Variants in NCOA3 observed in about 807,000 individuals in gnomAD.
The protein encoded by NCOA3 is nuclear receptor coactivator 3, also known as CBP-interacting protein.
NCOA3 carries 51 observed loss-of-function variants against 158.8 expected under a neutral mutation model. The ratio of observed to expected loss-of-function variants is 0.32; its 90% CI spans 0.26 to 0.41. NCOA3 has a LOEUF of 0.41. Among genes scored for constraint, NCOA3 ranks in the 10% least tolerant of loss-of-function variants. The pLI, the probability that NCOA3 is intolerant of heterozygous loss-of-function variation, is 1.00. For missense variants in NCOA3, 1,510 were observed against 1,746.6 expected, an observed-to-expected ratio of 0.86 and a Z score of 2.41; for synonymous variants, 537 against 592.4, an observed-to-expected ratio of 0.91 and a Z score of 1.36.
At chr20:47,573,597 A>G (rs774139407) in intron 1 of NCOA3, among the ~76,000 whole-genome samples, 1 of 152,262 alleles carries the variant, frequency 6.6e-6, no homozygotes, top group African/African-American at 2.4e-5. Flanking sequence ...CAATTTGTAA[A>G]AAGCGCAATA....
rs764026511 is a variant in NCOA3 at position 47,651,086 on chromosome 20, G to GCAGCAA, written c.3762_3767dup (p.Gln1275_Gln1276dup). The GCAGCAA allele has an allele frequency of 1.4e-6, 2 of 1,396,342 alleles. No individual in the cohort carries two copies. The highest frequency in any genetic ancestry group is 2.5e-5 in the South Asian group (2 of 81,242). 86.5% of individuals were successfully genotyped at this position (1,396,342 alleles called of 1,614,324 possible). A position where few individuals can be genotyped will look rare whatever the true frequency, so the allele number is the denominator to read the frequency against. On this transcript the variant is annotated inframe_insertion, in exon 20 of 23. Coordinates refer to ENST00000371998, the MANE Select transcript of NCOA3 (RefSeq NM_181659.3). ...CTATGATGATGCAGCAGCAGCAGCA[G>GCAGCAA]CAGCAACAGCAGCAGCAGCAGCAGC...
intron 7 of NCOA3, 71 bp downstream of exon 7, chr20:47,627,820 G>A: frequency 6.3e-7 from 1 of 1,581,644 alleles, no homozygotes; most frequent in African/African-American, 1.4e-5. Context: ...TGAAACTTGT[G>A]TTGTAACCCT....
intron 8 of NCOA3, among the ~76,000 whole-genome samples, chr20:47,629,794 A>G (rs1246436560): frequency 6.6e-6 from 1 of 152,222 alleles, no homozygotes; most frequent in East Asian, 1.9e-4. Flanking sequence ...CATGTTTTAC[A>G]TTTGCTACTG....
chr20:47,566,257 T>C (rs193138161), intron 1 of NCOA3, among the ~76,000 whole-genome samples: 124 of 152,206 alleles, frequency 8.1e-4, no homozygotes, highest in South Asian at 8.3e-4. Flanking sequence ...CCAGTTCTCA[T>C]TGGTCTACAG....
intron 2 of NCOA3, among the ~76,000 whole-genome samples, chr20:47,585,666 C>T (rs1048227961): frequency 3.3e-5 from 5 of 152,146 alleles, no homozygotes; most frequent in East Asian, 3.9e-4. Context: ...CTTCCTTGTC[C>T]ACTCACTTAA....
At chr20:47,600,191 T>C (rs2085836412) in intron 2 of NCOA3, among the ~76,000 whole-genome samples, 1 of 150,886 alleles carries the variant, frequency 6.6e-6, no homozygotes, top group African/African-American at 2.4e-5. Context: ...TTTATTTTTT[T>C]TGAGATGGAG....
chr20:47,573,605 A>G (rs1268231279), intron 1 of NCOA3, among the ~76,000 whole-genome samples: 1 of 152,234 alleles, frequency 6.6e-6, no homozygotes, highest in Non-Finnish European at 1.5e-5. Context: ...AAAAAGCGCA[A>G]TATCTGTAAA....
chr20:47,639,429 A>AT, intron 14 of NCOA3, 148 bp from the exon 15 acceptor site: 1 of 1,133,468 alleles, frequency 8.8e-7, no homozygotes, highest in East Asian at 2.4e-5. Flanking sequence ...ATAGTGGCCT[A>AT]TGTCTCCACA....
intron 1 of NCOA3, among the ~76,000 whole-genome samples, chr20:47,532,937 G>C (rs1035963390): frequency 6.6e-5 from 10 of 151,340 alleles, no homozygotes; most frequent in Admixed American, 1.3e-4. Flanking sequence ...AACCCCGTCT[G>C]TACTACAAAT....
At chr20:47,587,389 C>T (rs1219212226) in intron 2 of NCOA3, among the ~76,000 whole-genome samples, 1 of 152,084 alleles carries the variant, frequency 6.6e-6, no homozygotes, top group Non-Finnish European at 1.5e-5. Flanking sequence ...CTCATCTTGG[C>T]CTTTTTAGTG....
chr20:47,622,102 T>C, intron 2 of NCOA3, 127 bp from the exon 3 acceptor site: 1 of 551,128 alleles, frequency 1.8e-6, no homozygotes, highest in Non-Finnish European at 3.2e-6. Flanking sequence ...AAAAGAATAT[T>C]GAGAATTATC....
chr20:47,636,026 A>G lies in NCOA3; in HGVS notation c.1640A>G (p.Lys547Arg), dbSNP rs772218514. ...LLSTLSSPGPKLDNSPNMNIT... is the reference protein window; with the variant it reads ...LLSTLSSPGPRLDNSPNMNIT... ...TCTACTCTGTCATCACCAGGCCCCA[A>G]ATTGGATAACTCTCCCAATATGAAT... The change falls in exon 12 of 23, where the codon AAA (lysine) becomes AGA (arginine). Residue 547 changes from lysine (K) to arginine (R), a missense_variant. Physicochemically the swap from Lys to Arg is conservative, Grantham distance 26 (BLOSUM62 2). This residue lies in a region of NCOA3 where 1,017 missense variants were observed against 1,098.3 expected (regional missense o/e 0.93). Transcript: ENST00000371998. 1.2e-5 allele frequency: 19 copies of G among 1,614,102 alleles called. No homozygotes were observed. Among genetic ancestry groups the G allele is most frequent in the South Asian group, 6.6e-5 (6 of 91,072 alleles).
intron 8 of NCOA3, chr20:47,630,916 T>C (rs1382933168): frequency 6.6e-6 from 1 of 152,474 alleles, no homozygotes; most frequent in African/African-American, 2.4e-5. Flanking sequence ...ATTGCCCAAG[T>C]CTGATTATTG....
rs200257737 is a variant in NCOA3, at chr20:47,523,386, C to T, written c.-99+21367C>T. Among the ~76,000 whole-genome samples the T allele has an allele frequency of 3.9e-5, 6 of 152,278 alleles. No homozygotes were observed. In the East Asian group the frequency reaches 5.8e-4, roughly 15 times the overall value. Reference sequence around the variant, plus strand: ...GATCCAAGGGTCTTCGGAGGAATGGCTGGCCTGTCCATGTGTGGTTCAGTT... The same window carrying T: ...GATCCAAGGGTCTTCGGAGGAATGGTTGGCCTGTCCATGTGTGGTTCAGTT... On this transcript the variant is annotated intron_variant, in intron 1 of 22. Coordinates refer to ENST00000371998, the MANE Select transcript of NCOA3 (RefSeq NM_181659.3).
chr20:47,507,610 TTTG>T lies in NCOA3; in HGVS notation c.-99+5612_-99+5614del, dbSNP rs11472962. Among the ~76,000 whole-genome samples the T allele has an allele frequency of 7.3e-3, 1,109 of 151,596 alleles. 22 individuals are homozygous for T. Among genetic ancestry groups the T allele is most frequent in the African/African-American group, 0.025 (1,041 of 41,368 alleles). ...TGATCCTTAGAGCACCCAACAACTT[TTTG>T]TTGTTGTTGTTGTTGTTGTTTTGAG... is the stretch of plus-strand genomic sequence containing the variant. On this transcript the variant is annotated intron_variant, in intron 1 of 22. Coordinates refer to ENST00000371998, the MANE Select transcript of NCOA3 (RefSeq NM_181659.3).
intron 1 of NCOA3, among the ~76,000 whole-genome samples, chr20:47,504,846 C>T (rs946335824): frequency 2.0e-5 from 3 of 151,232 alleles, no homozygotes. Flanking sequence ...CAGTATGATT[C>T]TGGAATAATT....
At chr20:47,554,586 A>G (rs1375958539) in intron 1 of NCOA3, among the ~76,000 whole-genome samples, 4 of 140,102 alleles carry the variant, frequency 2.9e-5, no homozygotes, top group Admixed American at 6.9e-5. Context: ...GAGCCAAATC[A>G]TGAGTGAACT....
chr20:47,651,207 G>A lies in NCOA3; in HGVS notation c.3877G>A (p.Asp1293Asn), dbSNP rs376291640. The A allele has an allele frequency of 2.5e-6, 4 of 1,613,906 alleles. No individual in the cohort carries two copies. In the African/African-American group the frequency reaches 4.0e-5, roughly 16 times the overall value. The change falls in exon 20 of 23, where the codon GAT becomes AAT. Residue 1293 changes from aspartate (D) to asparagine (N), a missense_variant. Coordinates refer to ENST00000371998, the MANE Select transcript of NCOA3 (RefSeq NM_181659.3). ...TAATGTGACTGCTTCCCCCAGCATGGATGGGCTTTTGGCAGGACCCACAAT... is the reference window on the plus strand; with the variant it reads ...TAATGTGACTGCTTCCCCCAGCATGAATGGGCTTTTGGCAGGACCCACAAT... ...PPNVTASPSM[D>N]GLLAGPTMPQ...
intron 1 of NCOA3, among the ~76,000 whole-genome samples, chr20:47,526,277 C>G (rs1040020360): frequency 6.6e-6 from 1 of 151,294 alleles, no homozygotes; most frequent in Middle Eastern, 3.4e-3. Context: ...ACTTTCCAGA[C>G]TGGGCAGCCA....
Sources: gnomAD v4.1 joint callset for allele counts (sites outside exome capture counted in the v4.1 genomes callset) on GRCh38, gnomAD v4.1.1 for gene constraint, gnomAD v4.1.1 regional missense constraint, MANE v1.5 for transcripts, NCBI Gene and HGNC (gene_info 2026-07-23, HGNC 2026-07-21) for gene names.